The following FBXL17 variants were observed in gnomAD, a reference collection of about 807,000 sequenced individuals.
FBXL17 encodes F-box and leucine rich repeat protein 17.
FBXL17 carries 22 observed loss-of-function variants against 66.2 expected under a neutral mutation model. That is an observed-to-expected ratio of 0.33 (90% CI 0.24 to 0.47). FBXL17 has a LOEUF of 0.47. Among genes scored for constraint, FBXL17 ranks in the 20% least tolerant of loss-of-function variants. The pLI is 1.00. For missense variants in FBXL17, 878 were observed against 948.2 expected (o/e 0.93, Z 0.97); for synonymous variants, 474 against 400.5 (o/e 1.18, Z -2.19).
At chr5:108,134,674 T>C (rs1324689090) in intron 6 of FBXL17, among the ~76,000 whole-genome samples, 2 of 152,070 alleles carry the variant, frequency 1.3e-5, no homozygotes, top group Non-Finnish European at 2.9e-5. Context: ...TGGAAGAAAT[T>C]TTCCATGAAG....
intron 7 of FBXL17, among the ~76,000 whole-genome samples, chr5:107,918,719 T>C (rs1025421212): frequency 6.6e-6 from 1 of 152,204 alleles, no homozygotes; most frequent in East Asian, 1.9e-4. Context: ...AAAATCCTAG[T>C]GTTCCACTGA....
chr5:108,337,242 T>A (rs1206528778), intron 4 of FBXL17, among the ~76,000 whole-genome samples: 1 of 143,148 alleles, frequency 7.0e-6, no homozygotes, highest in Non-Finnish European at 1.5e-5. Context: ...GGTGACAGAG[T>A]GAGACTCCAT....
At chr5:108,345,945 A>G (rs113946503) in intron 4 of FBXL17, among the ~76,000 whole-genome samples, 21 of 152,298 alleles carry the variant, frequency 1.4e-4, no homozygotes, top group Non-Finnish European at 2.5e-4. Flanking sequence ...TTAGCAAAAT[A>G]ATTTGACTGA....
chr5:108,216,364 G>A (rs865833422), intron 5 of FBXL17, among the ~76,000 whole-genome samples: 16 of 151,890 alleles, frequency 1.1e-4, no homozygotes, highest in South Asian at 2.1e-4. Flanking sequence ...AATTCCTTTC[G>A]GTAATGTTTT....
chr5:108,217,430 C>T (rs963814134), intron 5 of FBXL17, among the ~76,000 whole-genome samples: 1 of 152,008 alleles, frequency 6.6e-6, no homozygotes, highest in Non-Finnish European at 1.5e-5. Context: ...TGAGCTGTAA[C>T]ACCGGCAACT....
chr5:108,342,813 A>G (rs376316541), intron 4 of FBXL17, among the ~76,000 whole-genome samples: 2 of 152,220 alleles, frequency 1.3e-5, no homozygotes, highest in East Asian at 1.9e-4. Context: ...TCAATAAAAG[A>G]TAACTTGTAT....
chr5:108,367,793 T>G (rs1561558276), intron 2 of FBXL17, 38 bp downstream of exon 2: 1 of 1,497,854 alleles, frequency 6.7e-7, no homozygotes, highest in Non-Finnish European at 9.0e-7. Flanking sequence ...ATTTTTTGAG[T>G]AGGTCATATG....
At chr5:108,104,937 G>A (rs1749736891) in intron 6 of FBXL17, among the ~76,000 whole-genome samples, 1 of 152,074 alleles carries the variant, frequency 6.6e-6, no homozygotes, top group Admixed American at 6.6e-5. Flanking sequence ...CACCTCCCGG[G>A]TTCACGCCAT....
At chr5:108,006,173 C>T (rs1396707526) in intron 7 of FBXL17, among the ~76,000 whole-genome samples, 1 of 151,842 alleles carries the variant, frequency 6.6e-6, no homozygotes, top group African/African-American at 2.4e-5. Context: ...TATATGTAAC[C>T]CAGGATAAAC....
rs1299843662 is a variant in FBXL17, at chr5:108,007,533, G to GA, written c.1822+13391dup. Among the ~76,000 whole-genome samples, 580 of 145,806 alleles carry GA rather than the reference G, an allele frequency of 4.0e-3. 5 individuals carry two copies. The highest frequency in any genetic ancestry group is 0.013 in the African/African-American group (537 of 39,962). On this transcript the variant is annotated intron_variant, in intron 7 of 8. Coordinates refer to ENST00000542267, the MANE Select transcript of FBXL17 (RefSeq NM_001163315.3). ...AATTTTCAACCAGTTTCTTAAAGGT[G>GA]AAAAAAAAAAGTAAATATTTGTAGA...
Position 107,998,042 on chromosome 5 carries a change from T to C in FBXL17, c.1822+22883A>G, listed in dbSNP as rs554295890. Among the ~76,000 whole-genome samples the C allele has an allele frequency of 3.8e-4, 58 of 152,296 alleles. 1 individual carries two copies. Among genetic ancestry groups the C allele is most frequent in the Middle Eastern group, 3.4e-3 (1 of 294 alleles). On this transcript the variant is annotated intron_variant, in intron 7 of 8. Coordinates refer to ENST00000542267, the MANE Select transcript of FBXL17 (RefSeq NM_001163315.3). ...GCACGGGAAACATAGATAGTCCAAA[T>C]TGAGATGTGCTGTAAATGTAAAATA...
At chr5:108,124,767 G>A (rs1238074491) in intron 6 of FBXL17, among the ~76,000 whole-genome samples, 1 of 151,986 alleles carries the variant, frequency 6.6e-6, no homozygotes, top group Non-Finnish European at 1.5e-5. Flanking sequence ...CCAATTTATA[G>A]GCATATAAAA....
At chr5:108,328,447 T>C (rs1398269882) in intron 4 of FBXL17, among the ~76,000 whole-genome samples, 1 of 152,082 alleles carries the variant, frequency 6.6e-6, no homozygotes, top group Non-Finnish European at 1.5e-5. Context: ...TATGAAAATA[T>C]ATTCTTCTGA....
intron 7 of FBXL17, among the ~76,000 whole-genome samples, chr5:108,007,653 C>T (rs564428580): frequency 7.0e-6 from 1 of 142,724 alleles, no homozygotes; most frequent in East Asian, 1.9e-4. Context: ...GCCGAGTATA[C>T]GGTATGTAGG....
At chr5:107,987,958 T>C (rs900903959) in intron 7 of FBXL17, among the ~76,000 whole-genome samples, 10 of 152,066 alleles carry the variant, frequency 6.6e-5, no homozygotes, top group Non-Finnish European at 1.0e-4. Context: ...AGTTAGATAT[T>C]ACTGTCTAAA....
At chr5:108,233,400 A>G (rs1755458718) in intron 4 of FBXL17, among the ~76,000 whole-genome samples, 1 of 152,316 alleles carries the variant, frequency 6.6e-6, no homozygotes, top group African/African-American at 2.4e-5. Flanking sequence ...AACACCTTGA[A>G]GAATCATACA....
intron 7 of FBXL17, among the ~76,000 whole-genome samples, chr5:107,992,762 T>C (rs1021540740): frequency 6.6e-6 from 1 of 152,226 alleles, no homozygotes; most frequent in Non-Finnish European, 1.5e-5. Flanking sequence ...TATATATCCC[T>C]ACCTACTTCC....
intron 1 of FBXL17, among the ~76,000 whole-genome samples, chr5:108,379,165 C>G (rs559194034): frequency 4.1e-4 from 62 of 151,548 alleles, no homozygotes; most frequent in African/African-American, 1.5e-3. Context: ...CCTTTTTTTT[C>G]TCGGCATTAA....
chr5:108,286,120 T>C (rs1757889933), intron 4 of FBXL17, among the ~76,000 whole-genome samples: 1 of 151,856 alleles, frequency 6.6e-6, no homozygotes, highest in Non-Finnish European at 1.5e-5. Flanking sequence ...CTCAACAAAC[T>C]AGACATTGAA....
Sources: allele counts gnomAD v4.1 joint callset (sites outside exome capture counted in the v4.1 genomes callset), GRCh38; gene constraint gnomAD v4.1.1; transcripts MANE v1.5; gene names NCBI Gene and HGNC (gene_info 2026-07-23, HGNC 2026-07-21).